The following UGT2B7 variants were observed in gnomAD, a reference collection of about 807,000 sequenced individuals.
The protein encoded by UGT2B7 is UDP-glucuronosyltransferase 2B7.
Under a neutral mutation model 51.9 loss-of-function variants are expected in UGT2B7, and 51 were observed. That is an observed-to-expected ratio of 0.98 (90% CI 0.78 to 1.24). The LOEUF is 1.24. Among genes scored for constraint, UGT2B7 ranks in the 50% most tolerant of loss-of-function variants. The probability of loss-of-function intolerance (pLI) is 0.00; values close to 1 mark genes in which losing one functional copy is unlikely to be tolerated. For synonymous variants in UGT2B7, 225 were observed against 211.6 expected (o/e 1.06, Z -0.55); for missense variants, 727 against 628.4 (o/e 1.16, Z -1.68).
chr4:69,063,365 A>C (rs1207326440), intron 1 of UGT2B7, among the ~76,000 whole-genome samples: 1 of 151,476 alleles, frequency 6.6e-6, no homozygotes, highest in Non-Finnish European at 1.5e-5. Flanking sequence ...AGACTTTATT[A>C]TACCATACAT....
At chr4:69,056,740 G>T (rs558403070) in intron 1 of UGT2B7, among the ~76,000 whole-genome samples, 171 of 152,250 alleles carry the variant, frequency 1.1e-3, no homozygotes, top group African/African-American at 3.9e-3. Flanking sequence ...TCACCAAAGT[G>T]CTTCAGCACA....
At chr4:69,092,163 C>T (rs139586945), upstream of UGT2B7, among the ~76,000 whole-genome samples, 141 of 152,232 alleles carry the variant, frequency 9.3e-4, no homozygotes, top group African/African-American at 3.2e-3. Flanking sequence ...TGGTCTCAAA[C>T]TCTTGGCCTT....
At chr4:69,103,009 A>G in intron 3 of UGT2B7, 71 bp downstream of exon 3, 1 of 1,564,102 alleles carries the variant, frequency 6.4e-7, no homozygotes, top group South Asian at 1.2e-5. Context: ...TAATCCAATT[A>G]TAGAAACTTC....
At position 69,098,699 on chromosome 4, in the gene UGT2B7, T is replaced by C. The variant is rs1214461903; in HGVS notation, c.870+11T>C. The C allele has an allele frequency of 6.2e-7, 1 of 1,604,088 alleles. No homozygotes were observed. The highest frequency in any genetic ancestry group is 1.8e-5 in the Admixed American group (1 of 56,160). ...AAACCCCTGCCTAAGGTAAACATAC[T>C]TTTGTTGGTTTTATTTTGTTGGCTT... On this transcript the variant is annotated intron_variant, in intron 2 of 5. Transcript: ENST00000305231.
In UGT2B7 at chr4:69,112,854, A is replaced by G. The variant is rs1341339408; in HGVS notation, c.*118A>G. On this transcript the variant is annotated 3_prime_UTR_variant, in exon 6 of 6. Coordinates refer to ENST00000305231, the MANE Select transcript of UGT2B7 (RefSeq NM_001074.4). ...CCTGAGACAAAAAAAAAAAAAGAAAAAAAAATCTTTTCAAAATTTACTTTG... is the reference window on the plus strand; with the variant it reads ...CCTGAGACAAAAAAAAAAAAAGAAAGAAAAATCTTTTCAAAATTTACTTTG... 6 of 1,371,494 alleles carry G rather than the reference A, an allele frequency of 4.4e-6. No homozygotes were observed. The South Asian group carries it at 8.4e-5, about 19-fold the overall frequency. 85.0% of individuals were successfully genotyped at this position (1,371,494 alleles called of 1,614,324 possible).
At chr4:69,083,544 G>A (rs1465525057) in intron 1 of UGT2B7, among the ~76,000 whole-genome samples, 3 of 151,930 alleles carry the variant, frequency 2.0e-5, no homozygotes, top group African/African-American at 7.2e-5. Flanking sequence ...CTACAGATGT[G>A]TTTTATTCCA....
At chr4:69,054,694 C>T (rs1718135426) in intron 1 of UGT2B7, among the ~76,000 whole-genome samples, 1 of 151,816 alleles carries the variant, frequency 6.6e-6, no homozygotes, top group South Asian at 2.1e-4. Flanking sequence ...CGTCACCAAC[C>T]CCTGCAAAGT....
intron 2 of UGT2B7, among the ~76,000 whole-genome samples, chr4:69,090,820 G>T (rs1380862946): frequency 2.0e-5 from 3 of 152,118 alleles, no homozygotes; most frequent in Admixed American, 6.5e-5. Flanking sequence ...CGACACAGTT[G>T]CTTGCTAAAG....
intron 2 of UGT2B7, 122 bp from the exon 3 acceptor site, chr4:69,102,685 T>C: frequency 6.9e-7 from 1 of 1,446,482 alleles, no homozygotes. Context: ...TAAAAAATAT[T>C]ATTTACTCCA....
chr4:69,109,575 T>A (rs1024194307), intron 5 of UGT2B7, among the ~76,000 whole-genome samples: 2 of 152,152 alleles, frequency 1.3e-5, no homozygotes, highest in African/African-American at 4.8e-5. Context: ...ATTTTTAAAC[T>A]TTGCTATTTG....
intron 1 of UGT2B7, among the ~76,000 whole-genome samples, chr4:69,060,487 G>A (rs1718320457): frequency 6.6e-6 from 1 of 152,182 alleles, no homozygotes; most frequent in Non-Finnish European, 1.5e-5. Context: ...GGCCTTTAAG[G>A]AAATCAAAGA....
At chr4:69,106,003 A>C (rs1341506996) in intron 3 of UGT2B7, among the ~76,000 whole-genome samples, 1 of 152,178 alleles carries the variant, frequency 6.6e-6, no homozygotes, top group East Asian at 1.9e-4. Context: ...AGGTCATTAC[A>C]AAATTGTTAC....
Position 69,112,894 on chromosome 4 carries a change from G to T in UGT2B7, c.*158G>T, listed in dbSNP as rs1719827742. 1.7e-6 allele frequency: 2 copies of T among 1,207,434 alleles called. No individual in the cohort carries two copies. The highest frequency in any genetic ancestry group is 2.8e-5 in the East Asian group (1 of 35,446). 74.8% of individuals were successfully genotyped at this position (1,207,434 alleles called of 1,614,324 possible). A position where few individuals can be genotyped will look rare whatever the true frequency, so the allele number is the denominator to read the frequency against. On this transcript the variant is annotated 3_prime_UTR_variant, in exon 6 of 6. Coordinates refer to ENST00000305231, the MANE Select transcript of UGT2B7 (RefSeq NM_001074.4). ...AATTTACTTTGTCAAATAAAAATTT[G>T]TTTTTCAGAGATTTACCACCCAGTT...
chr4:69,055,098 T>TAAAAAAAA lies in UGT2B7; in HGVS notation c.-159+3517_-159+3524dup, dbSNP rs1178892377. 2.5e-3 allele frequency among the ~76,000 whole-genome samples: 56 copies of TAAAAAAAA among 22,546 alleles called. 1 individual carries two copies. Among genetic ancestry groups the TAAAAAAAA allele is most frequent in the African/African-American group, 6.8e-3 (34 of 4,970 alleles). The allele number at this position is 22,546 out of a possible 152,430, so 14.8% of individuals were successfully genotyped here. A position where few individuals can be genotyped will look rare whatever the true frequency, so the allele number is the denominator to read the frequency against. On this transcript the variant is annotated intron_variant, in intron 1 of 5. Transcript: ENST00000502942. Reference sequence around the variant, plus strand: ...TAAGTGACAGAAGTAAAGTAATAGCTAAAAAAAAAAAAAAAAAAAAAAAAA... The same window carrying TAAAAAAAA: ...TAAGTGACAGAAGTAAAGTAATAGCTAAAAAAAAAAAAAAAAAAAAAAAAAAAAAAAAA...
chr4:69,054,508 C>T (rs1454420855), intron 1 of UGT2B7, among the ~76,000 whole-genome samples: 1 of 152,142 alleles, frequency 6.6e-6, no homozygotes, highest in Non-Finnish European at 1.5e-5. Flanking sequence ...GTGAAAATCC[C>T]CACATAACCA....
At chr4:69,071,749 CAT>C (rs1270904244) in intron 1 of UGT2B7, among the ~76,000 whole-genome samples, 2 of 151,966 alleles carry the variant, frequency 1.3e-5, no homozygotes, top group South Asian at 2.1e-4. Flanking sequence ...ACTTTGAACA[CAT>C]AGTCTTGCCA....
chr4:69,085,249 G>C (rs1718924410), intron 1 of UGT2B7, among the ~76,000 whole-genome samples: 1 of 151,912 alleles, frequency 6.6e-6, no homozygotes, highest in African/African-American at 2.4e-5. Context: ...ATGTTTGTTG[G>C]CTGCATAAAT....
chr4:69,112,296 A>G (rs1560513686), intron 5 of UGT2B7, among the ~76,000 whole-genome samples, 161 bp from the exon 6 acceptor site: 1 of 152,092 alleles, frequency 6.6e-6, no homozygotes, highest in Admixed American at 6.6e-5. Context: ...GTGAGCCCTT[A>G]AAAGGGACAG....
chr4:69,074,069 G>T (rs1446487193), intron 1 of UGT2B7, among the ~76,000 whole-genome samples: 2 of 152,042 alleles, frequency 1.3e-5, no homozygotes, highest in Non-Finnish European at 2.9e-5. Context: ...TTTTGTCTAG[G>T]CATGGTGGTT....
Sources: gnomAD v4.1 joint callset for allele counts (sites outside exome capture counted in the v4.1 genomes callset) on GRCh38, gnomAD v4.1.1 for gene constraint, MANE v1.5 for transcripts, NCBI Gene and HGNC (gene_info 2026-07-23, HGNC 2026-07-21) for gene names.